ARFGEF2: variants seen among roughly 807,000 people sequenced by gnomAD.
ARFGEF2 encodes the protein brefeldin A-inhibited guanine nucleotide-exchange protein 2.
Under a neutral mutation model 219.9 loss-of-function variants are expected in ARFGEF2, and 74 were observed. The observed-to-expected ratio is 0.34, with a 90% CI of 0.28 to 0.41. The LOEUF (loss-of-function observed/expected upper bound fraction) is 0.41. Among genes scored for constraint, ARFGEF2 ranks in the 10% least tolerant of loss-of-function variants. ARFGEF2 has a pLI of 1.00. For synonymous variants in ARFGEF2, 733 were observed against 799.2 expected (o/e 0.92, Z 1.40); for missense variants, 1,743 against 2,218.3 (o/e 0.79, Z 4.30).
At chr20:48,924,048 G>A (rs891870259) in intron 1 of ARFGEF2, among the ~76,000 whole-genome samples, 1 of 152,200 alleles carries the variant, frequency 6.6e-6, no homozygotes, top group African/African-American at 2.4e-5. Flanking sequence ...ATAAGGGAAC[G>A]TATGCATATT....
chr20:48,932,958 A>G (rs1033960581), intron 1 of ARFGEF2, among the ~76,000 whole-genome samples: 9 of 152,136 alleles, frequency 5.9e-5, no homozygotes, highest in African/African-American at 2.2e-4. Context: ...GGCATTGGCC[A>G]CTGATGGGAT....
intron 9 of ARFGEF2, 114 bp downstream of exon 9, chr20:48,969,391 T>C: frequency 6.3e-7 from 1 of 1,594,174 alleles, no homozygotes; most frequent in Non-Finnish European, 8.6e-7. Flanking sequence ...TCTTTGTCAG[T>C]GTAAGTGCAG....
chr20:48,945,161 A>G (rs963198232), intron 3 of ARFGEF2, among the ~76,000 whole-genome samples: 5 of 152,100 alleles, frequency 3.3e-5, no homozygotes, highest in African/African-American at 1.2e-4. Flanking sequence ...ATTATTTCTC[A>G]AAGGCCCAGC....
Position 48,963,175 on chromosome 20 carries a change from C to CAAAAAAAAAAAAAAAAAAAAAAAA in ARFGEF2, c.839-641_839-640insAAAAAAAAAAAAAAAAAAAAAAAA, listed in dbSNP as rs71337478. ...TGGGCAAGACAGCAAAACTCTGTCT[C>CAAAAAAAAAAAAAAAAAAAAAAAA]AAAAAAAAAAAAAAGTAATGTTTAC... On this transcript the variant is annotated intron_variant, in intron 6 of 38. Coordinates refer to ENST00000371917, the MANE Select transcript of ARFGEF2 (RefSeq NM_006420.3). Among the ~76,000 whole-genome samples, 137 of 110,630 alleles carry CAAAAAAAAAAAAAAAAAAAAAAAA rather than the reference C, an allele frequency of 1.2e-3. 3 individuals are homozygous for CAAAAAAAAAAAAAAAAAAAAAAAA. The highest frequency in any genetic ancestry group is 4.6e-3 in the Middle Eastern group (1 of 218). 72.6% of individuals were successfully genotyped at this position (110,630 alleles called of 152,430 possible).
At chr20:48,928,941 T>G (rs2090896460) in intron 1 of ARFGEF2, among the ~76,000 whole-genome samples, 1 of 152,220 alleles carries the variant, frequency 6.6e-6, no homozygotes, top group African/African-American at 2.4e-5. Context: ...CCTGTACTTG[T>G]AAATCTCAGG....
rs1270547439 is a variant in ARFGEF2 at position 49,016,409 on chromosome 20, A to G, written c.4309A>G (p.Lys1437Glu). The G allele has an allele frequency of 6.2e-7, 1 of 1,612,632 alleles. No individual in the cohort carries two copies. The highest frequency in any genetic ancestry group is 2.2e-5 in the East Asian group (1 of 44,848). The change falls in exon 31 of 39, where the codon AAA becomes GAA. Residue 1437 changes from lysine to glutamate, a missense_variant. Physicochemically the swap from Lys to Glu is moderately conservative, Grantham distance 56. This residue lies in a region of ARFGEF2 where 578 missense variants were observed against 664.0 expected (regional missense o/e 0.87). Coordinates refer to ENST00000371917, the MANE Select transcript of ARFGEF2 (RefSeq NM_006420.3). ...DVFAQLQWCV[K>E]QDNEQLARSG... Reference sequence around the variant, plus strand: ...ATTTGCACAATTGCAGTGGTGTGTCAAACAAGGTACTCTTTAAGCCTCTAG... The same window carrying G: ...ATTTGCACAATTGCAGTGGTGTGTCGAACAAGGTACTCTTTAAGCCTCTAG...
At chr20:48,943,881 G>A (rs534222751) in intron 3 of ARFGEF2, among the ~76,000 whole-genome samples, 2 of 152,338 alleles carry the variant, frequency 1.3e-5, no homozygotes, top group African/African-American at 4.8e-5. Flanking sequence ...TCTGATTGCT[G>A]TGTAGAAGAG....
intron 14 of ARFGEF2, among the ~76,000 whole-genome samples, chr20:48,983,001 A>AC (rs555224093): frequency 6.6e-4 from 100 of 152,282 alleles, no homozygotes; most frequent in African/African-American, 2.3e-3. Context: ...CGTGGGCTGC[A>AC]CCCACTGTCC....
chr20:49,028,157 C>G (rs953160783), intron 36 of ARFGEF2, among the ~76,000 whole-genome samples: 1 of 152,150 alleles, frequency 6.6e-6, no homozygotes, highest in African/African-American at 2.4e-5. Flanking sequence ...ACTAGGGAGG[C>G]TGAGGCAGGA....
chr20:48,971,773 C>T (rs906095156), intron 10 of ARFGEF2, among the ~76,000 whole-genome samples: 2 of 152,036 alleles, frequency 1.3e-5, no homozygotes, highest in South Asian at 2.1e-4. Flanking sequence ...TGGTGGCAGG[C>T]GCCTGTAGTC....
At chr20:48,962,952 T>A (rs1315902168) in intron 6 of ARFGEF2, among the ~76,000 whole-genome samples, 1 of 152,122 alleles carries the variant, frequency 6.6e-6, no homozygotes, top group Non-Finnish European at 1.5e-5. Context: ...CTCACGCTTG[T>A]AATCCCAGCA....
In ARFGEF2 at chr20:48,941,357, A is replaced by G. The variant is rs768119369; in HGVS notation, c.152+128A>G. 3.6e-5 allele frequency: 35 copies of G among 980,966 alleles called. No individual in the cohort carries two copies. The African/African-American group carries it at 4.2e-4, about 12-fold the overall frequency. The allele number at this position is 980,966 out of a possible 1,614,324, so 60.8% of individuals were successfully genotyped here. ...CAGGGGTGGCACACACTCTGCAAGCATGGTGCTAGGCACACGGCACAACTC... is the reference window on the plus strand; with the variant it reads ...CAGGGGTGGCACACACTCTGCAAGCGTGGTGCTAGGCACACGGCACAACTC... On this transcript the variant is annotated intron_variant, in intron 2 of 38. Coordinates refer to ENST00000371917, the MANE Select transcript of ARFGEF2 (RefSeq NM_006420.3).
At chr20:48,987,926 T>G (rs1189923221) in intron 16 of ARFGEF2, among the ~76,000 whole-genome samples, 1 of 152,124 alleles carries the variant, frequency 6.6e-6, no homozygotes. Flanking sequence ...TAGCTGGGAT[T>G]ATGGGCACCC....
At chr20:48,976,797 G>A (rs2091265034) in intron 14 of ARFGEF2, among the ~76,000 whole-genome samples, 1 of 152,076 alleles carries the variant, frequency 6.6e-6, no homozygotes, top group Admixed American at 6.5e-5. Flanking sequence ...GACAGAGTGA[G>A]ACTCCATCTC....
chr20:48,972,517 T>G, intron 11 of ARFGEF2, 92 bp downstream of exon 11: 3 of 1,013,854 alleles, frequency 3.0e-6, no homozygotes, highest in South Asian at 2.6e-5. Flanking sequence ...CCTTTTAGAG[T>G]TTTAAAGGAT....
chr20:48,924,511 C>CAAAAAAA (rs11476973), intron 1 of ARFGEF2, among the ~76,000 whole-genome samples: 2 of 78,444 alleles, frequency 2.5e-5, no homozygotes, highest in Non-Finnish European at 4.8e-5. Context: ...GACTCTGTCT[C>CAAAAAAA]AAAAAAAAAA....
At chr20:49,030,805 TG>T in intron 37 of ARFGEF2, among the ~76,000 whole-genome samples, 1 of 152,196 alleles carries the variant, frequency 6.6e-6, no homozygotes, top group South Asian at 2.1e-4. Context: ...GAGACCAGCC[TG>T]GCCAACATGG....
intron 1 of ARFGEF2, among the ~76,000 whole-genome samples, chr20:48,925,776 G>A (rs914608364): frequency 2.0e-5 from 3 of 152,160 alleles, no homozygotes; most frequent in African/African-American, 7.2e-5. Context: ...AATGGAGGTT[G>A]CAGTGAGTTG....
At chr20:48,979,675 G>A (rs910947755) in intron 14 of ARFGEF2, among the ~76,000 whole-genome samples, 1 of 152,134 alleles carries the variant, frequency 6.6e-6, no homozygotes, top group South Asian at 2.1e-4. Context: ...TCTATTCAGG[G>A]ATTCAACTTC....
Sources: gnomAD v4.1 joint callset for allele counts (sites outside exome capture counted in the v4.1 genomes callset) on GRCh38, gnomAD v4.1.1 for gene constraint, gnomAD v4.1.1 regional missense constraint, MANE v1.5 for transcripts, NCBI Gene and HGNC (gene_info 2026-07-23, HGNC 2026-07-21) for gene names.